MBTD1: variants seen among roughly 807,000 people sequenced by gnomAD.
The protein encoded by MBTD1 is MBT domain-containing protein 1.
A neutral mutation model predicts 87.8 loss-of-function variants in MBTD1; 24 were observed. The ratio of observed to expected loss-of-function variants is 0.27; its 90% CI spans 0.20 to 0.38. The LOEUF (loss-of-function observed/expected upper bound fraction) is 0.38. Among genes scored for constraint, MBTD1 ranks in the 10% least tolerant of loss-of-function variants. The pLI, the probability that MBTD1 is intolerant of heterozygous loss-of-function variation, is 1.00. For missense variants in MBTD1, 436 were observed against 760.2 expected (o/e 0.57, Z 5.02); for synonymous variants, 237 against 248.6 (o/e 0.95, Z 0.44).
In MBTD1 at chr17:51,244,249, A is replaced by G. The variant is rs1483847235; in HGVS notation, c.-49+14894T>C. 2.0e-5 allele frequency among the ~76,000 whole-genome samples: 3 copies of G among 152,242 alleles called. No individual in the cohort carries two copies. The East Asian group carries it at 5.8e-4, about 29-fold the overall frequency. On this transcript the variant is annotated intron_variant, in intron 2 of 16. Transcript: ENST00000586178. ...TCCAGCACTTTTTTATCAGTCAGCA[A>G]GAAATCCTGTCATAACCCCCTTTTA...
chr17:51,253,482 T>C (rs2054913074), intron 2 of MBTD1, among the ~76,000 whole-genome samples: 1 of 152,104 alleles, frequency 6.6e-6, no homozygotes, highest in African/African-American at 2.4e-5. Flanking sequence ...TAAATCACAA[T>C]ATATAGTATA....
chr17:51,179,493 T>TATATATAA lies in MBTD1; in HGVS notation c.*1082_*1083insTTATATAT, dbSNP rs2050211272. 1 of 32,388 alleles carries TATATATAA rather than the reference T, an allele frequency of 3.1e-5. No individual in the cohort carries two copies. Among genetic ancestry groups the TATATATAA allele is most frequent in the East Asian group, 1.1e-3 (1 of 912 alleles). 2.0% of individuals were successfully genotyped at this position (32,388 alleles called of 1,614,324 possible). A position where few individuals can be genotyped will look rare whatever the true frequency, so the allele number is the denominator to read the frequency against. On this transcript the variant is annotated 3_prime_UTR_variant, in exon 17 of 17. Coordinates refer to ENST00000586178, the MANE Select transcript of MBTD1 (RefSeq NM_017643.3). Reference sequence around the variant, plus strand: ...ACAATTAAAGACAATTTTATATATATATATATATATATATATATATATATA... The same window carrying TATATATAA: ...ACAATTAAAGACAATTTTATATATATATATATAAATATATATATATATATATATATATA...
At chr17:51,192,361 G>A in intron 15 of MBTD1, 81 bp from the exon 16 acceptor site, 1 of 971,076 alleles carries the variant, frequency 1.0e-6, no homozygotes, top group South Asian at 1.4e-5. Flanking sequence ...CAACTTATAT[G>A]AACTATCTTT....
intron 2 of MBTD1, among the ~76,000 whole-genome samples, chr17:51,248,732 G>T (rs1309187531): frequency 6.6e-6 from 1 of 152,180 alleles, no homozygotes; most frequent in African/African-American, 2.4e-5. Context: ...ACTCGTCAAT[G>T]TATCAGCTTA....
At position 51,195,368 on chromosome 17, in the gene MBTD1, A is replaced by G; in HGVS notation, c.1225-7T>C. On this transcript the variant is annotated splice_region_variant and splice_polypyrimidine_tract_variant and intron_variant, in intron 12 of 16. Transcript: ENST00000586178. ...GGAATCCGTCAGCTAGCACCTTTTC[A>G]ATGAAGAGAATTCTAAGTACTTGAA... is the stretch of plus-strand genomic sequence containing the variant. 6.3e-7 allele frequency: 1 copy of G among 1,580,348 alleles called. No homozygotes were observed.
At chr17:51,245,991 C>T (rs1448243599) in intron 2 of MBTD1, among the ~76,000 whole-genome samples, 1 of 152,090 alleles carries the variant, frequency 6.6e-6, no homozygotes, top group Non-Finnish European at 1.5e-5. Flanking sequence ...TCCATTTGTT[C>T]AAGTCTGCTT....
intron 6 of MBTD1, 53 bp from the exon 7 acceptor site, chr17:51,207,058 A>C: frequency 1.0e-6 from 1 of 961,424 alleles, no homozygotes; most frequent in Non-Finnish European, 1.6e-6. Context: ...AGCCTAAAAC[A>C]TATCAATGAA....
intron 2 of MBTD1, among the ~76,000 whole-genome samples, chr17:51,233,091 GGA>G (rs142757244): frequency 1.4e-5 from 2 of 143,816 alleles, no homozygotes; most frequent in Non-Finnish European, 3.0e-5. Flanking sequence ...AAAAAGTGAG[GGA>G]GAGAGAGAGA....
chr17:51,189,313 T>G (rs530802421), intron 16 of MBTD1, among the ~76,000 whole-genome samples: 8 of 152,298 alleles, frequency 5.3e-5, no homozygotes, highest in South Asian at 2.1e-4. Flanking sequence ...CCATAGTTCT[T>G]TTCTTTTCTA....
intron 2 of MBTD1, among the ~76,000 whole-genome samples, chr17:51,243,398 CT>C (rs911123071): frequency 7.9e-5 from 12 of 151,770 alleles, no homozygotes; most frequent in African/African-American, 2.4e-4. Context: ...ACAACAATTA[CT>C]AATATTTTGC....
chr17:51,202,693 G>T lies in MBTD1; in HGVS notation c.1063+8C>A. On this transcript the variant is annotated splice_region_variant and intron_variant, in intron 10 of 16. Transcript: ENST00000586178. ...CTTTTGACAGGAGTTCTTGTGATAG[G>T]TGCTTACCAGATCTTTTGAATCGAT... 6.2e-7 allele frequency: 1 copy of T among 1,603,284 alleles called. No homozygotes were observed. The highest frequency in any genetic ancestry group is 1.1e-5 in the South Asian group (1 of 90,864).
intron 6 of MBTD1, among the ~76,000 whole-genome samples, chr17:51,211,764 G>T (rs2052231928): frequency 6.6e-6 from 1 of 151,302 alleles, no homozygotes; most frequent in African/African-American, 2.4e-5. Context: ...AGAGTCCTGT[G>T]TGTGGGGTCA....
intron 3 of MBTD1, among the ~76,000 whole-genome samples, chr17:51,220,833 G>A (rs2052846551): frequency 6.6e-6 from 1 of 152,194 alleles, no homozygotes; most frequent in South Asian, 2.1e-4. Context: ...CTTGAAAGAT[G>A]AAAAGTGCCA....
At position 51,201,548 on chromosome 17, in the gene MBTD1, AATCCTAT is replaced by A. The variant is rs753498320; in HGVS notation, c.1224+37_1224+43del. The A allele has an allele frequency of 7.7e-6, 10 of 1,306,354 alleles. 1 individual carries two copies. In the Middle Eastern group the frequency reaches 5.6e-4, roughly 74 times the overall value. The allele number at this position is 1,306,354 out of a possible 1,614,324, so 80.9% of individuals were successfully genotyped here. A position where few individuals can be genotyped will look rare whatever the true frequency, so the allele number is the denominator to read the frequency against. ...GACTCCTTCTATTAGCTTATACCCA[AATCCTAT>A]AATTGCATTTCTATATTTTAAAACC... is the stretch of plus-strand genomic sequence containing the variant. On this transcript the variant is annotated intron_variant, in intron 12 of 16. Transcript: ENST00000586178.
At chr17:51,260,286 T>C (rs1275757374), upstream of MBTD1, 3 of 502,538 alleles carry the variant, frequency 6.0e-6, no homozygotes, top group African/African-American at 6.1e-5. Context: ...AGTCGGGGTT[T>C]CTTGCGCTCC....
intron 13 of MBTD1, 94 bp from the exon 14 acceptor site, chr17:51,193,604 G>C (rs964491979): frequency 4.5e-5 from 33 of 740,266 alleles, no homozygotes; most frequent in Non-Finnish European, 1.9e-5. Context: ...AATCTTAAGA[G>C]CATAGGTTAT....
intron 1 of MBTD1, 39 bp downstream of exon 1, chr17:51,259,796 C>A (rs576991873): frequency 9.4e-5 from 116 of 1,232,692 alleles, no homozygotes; most frequent in Admixed American, 1.3e-4. Context: ...GCGTCCCCCC[C>A]ACCTGGCACA....
At chr17:51,240,687 G>A (rs2054113390) in intron 2 of MBTD1, among the ~76,000 whole-genome samples, 1 of 152,118 alleles carries the variant, frequency 6.6e-6, no homozygotes, top group South Asian at 2.1e-4. Flanking sequence ...CTGCTGTGAA[G>A]TTACTCTGAA....
At chr17:51,187,019 T>C (rs2050568275) in intron 16 of MBTD1, among the ~76,000 whole-genome samples, 1 of 152,180 alleles carries the variant, frequency 6.6e-6, no homozygotes, top group Non-Finnish European at 1.5e-5. Flanking sequence ...CTCTCCTAAC[T>C]TTTAGTTTAC....
Sources: gnomAD v4.1 joint callset for allele counts (sites outside exome capture counted in the v4.1 genomes callset) on GRCh38, gnomAD v4.1.1 for gene constraint, MANE v1.5 for transcripts, NCBI Gene and HGNC (gene_info 2026-07-23, HGNC 2026-07-21) for gene names.